CALCR: variants seen among roughly 807,000 people sequenced by gnomAD.
CALCR encodes the protein calcitonin receptor.
A neutral mutation model predicts 59.5 loss-of-function variants in CALCR; 47 were observed. The observed-to-expected ratio is 0.79, with a 90% confidence interval of 0.63 to 1.01. The LOEUF is 1.01. Ranked by LOEUF, CALCR falls within the 50% of genes least tolerant of loss-of-function variation. The pLI is 0.00. For synonymous variants in CALCR, 213 were observed against 211.3 expected (o/e 1.01, Z -0.07); for missense variants, 566 against 597.1 (o/e 0.95, Z 0.54).
intron 4 of CALCR, 57 bp from the exon 5 acceptor site, chr7:93,477,725 G>T: frequency 2.8e-6 from 3 of 1,080,744 alleles, no homozygotes; most frequent in Non-Finnish European, 4.3e-6. Flanking sequence ...TAAATGAGAA[G>T]ATTGATCCCA....
chr7:93,439,889 T>C (rs1799864191), intron 9 of CALCR, among the ~76,000 whole-genome samples: 1 of 152,136 alleles, frequency 6.6e-6, no homozygotes, highest in South Asian at 2.1e-4. Context: ...TTGAAGTTAC[T>C]TCAATTGGAG....
intron 8 of CALCR, among the ~76,000 whole-genome samples, chr7:93,454,093 T>A (rs1180707990): frequency 6.6e-6 from 1 of 152,018 alleles, no homozygotes; most frequent in East Asian, 1.9e-4. Flanking sequence ...ACCATTGACC[T>A]CTCATCTCAA....
intron 2 of CALCR, chr7:93,495,930 A>G (rs1435312526): frequency 7.2e-6 from 11 of 1,529,176 alleles, no homozygotes; most frequent in African/African-American, 1.4e-5. Flanking sequence ...AGAAAATTGC[A>G]TCCTGGGGTG....
intron 2 of CALCR, among the ~76,000 whole-genome samples, chr7:93,553,242 C>T (rs920219081): frequency 6.7e-6 from 1 of 149,732 alleles, no homozygotes; most frequent in Non-Finnish European, 1.5e-5. Context: ...TTGTGTTGCT[C>T]CACCAAAGGT....
chr7:93,435,889 G>C, intron 12 of CALCR, 63 bp downstream of exon 12: 1 of 736,450 alleles, frequency 1.4e-6, no homozygotes, highest in Non-Finnish European at 2.4e-6. Context: ...ATGGGCTTTA[G>C]AGTTAAAATC....
chr7:93,545,100 A>G (rs555133088), intron 2 of CALCR, among the ~76,000 whole-genome samples: 45 of 152,140 alleles, frequency 3.0e-4, no homozygotes, highest in Admixed American at 1.2e-3. Context: ...AGTTGGTGGG[A>G]TGGGAAGGAT....
intron 3 of CALCR, 101 bp from the exon 4 acceptor site, chr7:93,479,608 C>A: frequency 9.7e-7 from 1 of 1,035,060 alleles, no homozygotes; most frequent in South Asian, 1.7e-5. Flanking sequence ...TTTTTGCTCT[C>A]TAAGCAATAC....
At chr7:93,463,137 C>T (rs1285072177) in intron 7 of CALCR, among the ~76,000 whole-genome samples, 2 of 151,796 alleles carry the variant, frequency 1.3e-5, no homozygotes, top group East Asian at 3.9e-4. Context: ...TCATACTGAA[C>T]ATTTGCCAAA....
At chr7:93,526,919 C>A (rs1788668665) in intron 2 of CALCR, among the ~76,000 whole-genome samples, 1 of 152,008 alleles carries the variant, frequency 6.6e-6, no homozygotes, top group African/African-American at 2.4e-5. Flanking sequence ...GAATACATGG[C>A]ATTAAGTTAG....
In CALCR at chr7:93,429,125, C is replaced by T. The variant is rs151275870; in HGVS notation, c.1192-2536G>A. On this transcript the variant is annotated intron_variant, in intron 13 of 13. Transcript: ENST00000426151. ...TTTAATTGCGTCCAAAATTACAACC[C>T]ATCCTTTTGTGTGGAGATGGCAATG... Among the ~76,000 whole-genome samples, 688 of 152,250 alleles carry T rather than the reference C, an allele frequency of 4.5e-3. 6 individuals carry two copies. Among genetic ancestry groups the T allele is most frequent in the African/African-American group, 0.015 (639 of 41,528 alleles).
At chr7:93,549,633 T>C (rs1304374298) in intron 2 of CALCR, among the ~76,000 whole-genome samples, 3 of 152,148 alleles carry the variant, frequency 2.0e-5, no homozygotes, top group Non-Finnish European at 4.4e-5. Context: ...AAGCAAAAAA[T>C]TGAGACTTTG....
chr7:93,464,449 T>C (rs1049575320), intron 7 of CALCR, among the ~76,000 whole-genome samples: 3 of 152,014 alleles, frequency 2.0e-5, no homozygotes, highest in Non-Finnish European at 4.4e-5. Context: ...GTGTAACTTT[T>C]AGTTTTCATT....
intron 8 of CALCR, among the ~76,000 whole-genome samples, chr7:93,447,655 T>C (rs938406640): frequency 4.6e-5 from 7 of 151,854 alleles, no homozygotes; most frequent in Non-Finnish European, 4.4e-5. Context: ...CAATTGAAAA[T>C]CCACCATGAA....
chr7:93,477,984 A>AAAT (rs1562989512), intron 4 of CALCR, among the ~76,000 whole-genome samples: 9 of 149,474 alleles, frequency 6.0e-5, no homozygotes, highest in African/African-American at 2.2e-4. Context: ...AAAAAAAAAA[A>AAAT]AAAAAAAAAA....
intron 2 of CALCR, among the ~76,000 whole-genome samples, chr7:93,498,472 A>G (rs1416735339): frequency 3.3e-5 from 5 of 151,738 alleles, no homozygotes. Flanking sequence ...AAGGCATTGT[A>G]ACCTCACGTA....
chr7:93,461,436 C>T (rs767941093), intron 7 of CALCR, among the ~76,000 whole-genome samples: 8 of 152,170 alleles, frequency 5.3e-5, no homozygotes, highest in South Asian at 2.1e-4. Flanking sequence ...ACACACTTCA[C>T]GTCTCCTGGC....
chr7:93,550,124 G>A (rs1789404968), intron 2 of CALCR, among the ~76,000 whole-genome samples: 2 of 151,994 alleles, frequency 1.3e-5, no homozygotes, highest in Non-Finnish European at 2.9e-5. Context: ...TAATGACTTG[G>A]TTAGACAGCA....
intron 2 of CALCR, among the ~76,000 whole-genome samples, chr7:93,493,432 T>C (rs2115966944): frequency 6.6e-6 from 1 of 151,496 alleles, no homozygotes; most frequent in African/African-American, 2.4e-5. Context: ...GCTTCTAGTC[T>C]CTAGGACTCT....
chr7:93,553,388 C>T (rs867639070), intron 2 of CALCR, among the ~76,000 whole-genome samples: 4 of 152,076 alleles, frequency 2.6e-5, no homozygotes, highest in African/African-American at 4.8e-5. Flanking sequence ...GAAGTTTGGT[C>T]CAGATAATGA....
Sources: gnomAD v4.1 joint callset for allele counts (sites outside exome capture counted in the v4.1 genomes callset) on GRCh38, gnomAD v4.1.1 for gene constraint, MANE v1.5 for transcripts, NCBI Gene and HGNC (gene_info 2026-07-23, HGNC 2026-07-21) for gene names.